The following PPM1H variants were observed in gnomAD, a reference collection of about 807,000 sequenced individuals.
PPM1H encodes the protein protein phosphatase, Mg2+/Mn2+ dependent 1H.
Under a neutral mutation model 54.9 loss-of-function variants are expected in PPM1H, and 27 were observed. The observed-to-expected ratio is 0.49, with a 90% CI of 0.36 to 0.68. PPM1H has a LOEUF of 0.68. Ranked by LOEUF, PPM1H falls within the 30% of genes least tolerant of loss-of-function variation. PPM1H has a pLI of 0.00. For synonymous variants in PPM1H, 305 were observed against 270.8 expected (o/e 1.13, Z -1.24); for missense variants, 596 against 667.8 (o/e 0.89, Z 1.19).
At chr12:62,853,616 G>A (rs974508478) in intron 1 of PPM1H, among the ~76,000 whole-genome samples, 4 of 152,180 alleles carry the variant, frequency 2.6e-5, no homozygotes, top group East Asian at 1.9e-4. Context: ...GGCCACTGTC[G>A]CAACTTTCCG....
intron 4 of PPM1H, among the ~76,000 whole-genome samples, chr12:62,747,206 G>A (rs979114680): frequency 2.6e-5 from 4 of 151,578 alleles, no homozygotes; most frequent in Non-Finnish European, 4.4e-5. Context: ...GCGCGATCTC[G>A]GCTCACTGCA....
At chr12:62,745,748 G>A (rs1451102826) in intron 4 of PPM1H, among the ~76,000 whole-genome samples, 1 of 152,166 alleles carries the variant, frequency 6.6e-6, no homozygotes, top group African/African-American at 2.4e-5. Flanking sequence ...GTGCTTTATG[G>A]AAAGGACCCA....
Position 62,934,441 on chromosome 12 carries a change from G to A in PPM1H, c.245+51C>T. The A allele has an allele frequency of 2.0e-6, 3 of 1,491,238 alleles. No homozygotes were observed. Among genetic ancestry groups the A allele is most frequent in the Middle Eastern group, 4.8e-4 (2 of 4,202 alleles). 92.4% of individuals were successfully genotyped at this position (1,491,238 alleles called of 1,614,324 possible). A position where few individuals can be genotyped will look rare whatever the true frequency, so the allele number is the denominator to read the frequency against. ...GGAGAGAAGAGGGCTGGAACCGTGC[G>A]GGGAAGGGCCGCGAGGAGAGCAGGG... On this transcript the variant is annotated intron_variant, in intron 1 of 9. Transcript: ENST00000228705. The surrounding 1 kb of genome is among the most constrained non-coding windows in gnomAD (Gnocchi z 4.2).
At chr12:62,823,433 G>C (rs556926513) in intron 2 of PPM1H, among the ~76,000 whole-genome samples, 1 of 152,018 alleles carries the variant, frequency 6.6e-6, no homozygotes, top group Non-Finnish European at 1.5e-5. Context: ...CTGGCAGAGA[G>C]AGACACAACA....
At chr12:62,864,104 C>G (rs1265866060) in intron 1 of PPM1H, among the ~76,000 whole-genome samples, 1 of 152,214 alleles carries the variant, frequency 6.6e-6, no homozygotes, top group Non-Finnish European at 1.5e-5. Flanking sequence ...AAGGGTGCTA[C>G]AGGCATCTAG....
At chr12:62,804,130 A>G (rs2076789909) in intron 2 of PPM1H, among the ~76,000 whole-genome samples, 1 of 152,188 alleles carries the variant, frequency 6.6e-6, no homozygotes, top group Non-Finnish European at 1.5e-5. Context: ...TGCTCTCACT[A>G]CTTCTATTCA....
chr12:62,807,485 T>G (rs564501), intron 2 of PPM1H, among the ~76,000 whole-genome samples: 33,424 of 152,016 alleles, frequency 0.22, 4,138 homozygotes, highest in African/African-American at 0.34. Context: ...GAAAGAACAA[T>G]GATTACAGGT....
Position 62,934,675 on chromosome 12 carries a change from G to A in PPM1H, c.62C>T (p.Ser21Leu), listed in dbSNP as rs746702150. The A allele has an allele frequency of 2.5e-6, 4 of 1,606,256 alleles. No homozygotes were observed. Among genetic ancestry groups the A allele is most frequent in the East Asian group, 2.2e-5 (1 of 44,530 alleles). ...NFMGGIMAGS[S>L]GSEHGGGSCG... ...GCTGCCGCCGCCGTGCTCGGAGCCT[G>A]AGCTGCCAGCCATGATGCCGCCCAT... Residue 21 changes from serine (S) to leucine (L), a missense_variant, in exon 1 of 10, where the codon TCA becomes TTA. Ser to Leu is a moderately radical substitution (Grantham distance 145). Around this residue, in one of 3 missense-constraint regions of PPM1H, gnomAD observed 382 missense variants for 387.1 expected, o/e 0.99. Coordinates refer to ENST00000228705, the MANE Select transcript of PPM1H (RefSeq NM_020700.2). The surrounding 1 kb of genome is among the most constrained non-coding windows in gnomAD (Gnocchi z 4.2).
intron 1 of PPM1H, among the ~76,000 whole-genome samples, chr12:62,858,884 G>T (rs186215336): frequency 3.2e-4 from 49 of 152,246 alleles, no homozygotes; most frequent in African/African-American, 8.7e-4. Context: ...AGTCATGGGG[G>T]ACAAAATGTT....
chr12:62,737,577 G>T lies in PPM1H; in HGVS notation c.879C>A (p.Ile293=), dbSNP rs1213409749. The change falls in exon 5 of 10, where the codon ATC becomes ATA. Residue 293 remains isoleucine (I), a synonymous_variant. Transcript: ENST00000228705. ...TGGGGATAATTTCTCCATTTCTGATGATTATGGCCCTGAAATGGTGAAAAT... is the reference window on the plus strand; with the variant it reads ...TGGGGATAATTTCTCCATTTCTGATTATTATGGCCCTGAAATGGTGAAAAT... ...VANAGDSRAI[I]IRNGEIIPMS... 7.0e-6 allele frequency: 11 copies of T among 1,574,634 alleles called. No homozygotes were observed. The highest frequency in any genetic ancestry group is 2.7e-5 in the African/African-American group (2 of 73,972).
At chr12:62,806,208 A>G (rs2076804312) in intron 2 of PPM1H, among the ~76,000 whole-genome samples, 1 of 152,136 alleles carries the variant, frequency 6.6e-6, no homozygotes, top group Admixed American at 6.5e-5. Flanking sequence ...CATTAAATAA[A>G]ATTTTTAGTA....
chr12:62,822,134 CA>C (rs1391585988), intron 2 of PPM1H, among the ~76,000 whole-genome samples: 1 of 151,956 alleles, frequency 6.6e-6, no homozygotes, highest in Non-Finnish European at 1.5e-5. Context: ...GACTTTAAAC[CA>C]AAGAAGATCA....
intron 2 of PPM1H, among the ~76,000 whole-genome samples, chr12:62,821,576 C>T (rs957613911): frequency 3.9e-5 from 6 of 152,172 alleles, no homozygotes; most frequent in Non-Finnish European, 5.9e-5. Context: ...GTGGATTTCT[C>T]GGCAGAAACT....
chr12:62,883,707 C>T (rs1322396879), intron 1 of PPM1H, among the ~76,000 whole-genome samples: 1 of 152,122 alleles, frequency 6.6e-6, no homozygotes. Flanking sequence ...CACTTTGTCA[C>T]TTGTAAAATG....
At chr12:62,848,476 G>A (rs930221416) in intron 1 of PPM1H, among the ~76,000 whole-genome samples, 2 of 152,198 alleles carry the variant, frequency 1.3e-5, no homozygotes, top group Non-Finnish European at 2.9e-5. Flanking sequence ...TCCAAGCTCT[G>A]TTGGGTAGAA....
At chr12:62,837,957 C>T (rs1868553565) in intron 1 of PPM1H, among the ~76,000 whole-genome samples, 1 of 152,174 alleles carries the variant, frequency 6.6e-6, no homozygotes, top group African/African-American at 2.4e-5. Flanking sequence ...TCCTCTGAGC[C>T]CTCTTCTCAA....
intron 6 of PPM1H, among the ~76,000 whole-genome samples, chr12:62,697,980 G>C (rs763393919): frequency 2.0e-5 from 3 of 152,020 alleles, no homozygotes; most frequent in Non-Finnish European, 2.9e-5. Context: ...AAAATGCAAG[G>C]CTTAAAAGGG....
chr12:62,922,449 G>A (rs1464389152), intron 1 of PPM1H, among the ~76,000 whole-genome samples: 2 of 151,930 alleles, frequency 1.3e-5, no homozygotes, highest in Non-Finnish European at 2.9e-5. Context: ...TCTCTCTGGG[G>A]TTCATTTTCC....
intron 6 of PPM1H, among the ~76,000 whole-genome samples, chr12:62,702,296 C>A (rs2076148109): frequency 1.3e-5 from 2 of 152,134 alleles, no homozygotes; most frequent in South Asian, 4.1e-4. Flanking sequence ...GTCAGAATGG[C>A]AGTTTTTTTG....
Sources: gnomAD v4.1 joint callset for allele counts (sites outside exome capture counted in the v4.1 genomes callset) on GRCh38, gnomAD v4.1.1 for gene constraint, gnomAD v4.1.1 regional missense constraint, Gnocchi (gnomAD v3.1) non-coding constraint, MANE v1.5 for transcripts, NCBI Gene and HGNC (gene_info 2026-07-23, HGNC 2026-07-21) for gene names.